Variants in TRAK1 observed in about 807,000 individuals in gnomAD.
The protein encoded by TRAK1 is trafficking kinesin-binding protein 1.
In TRAK1, 33 loss-of-function variants were observed where a neutral mutation model predicts 92.1. The observed-to-expected ratio is 0.36, with a 90% CI of 0.27 to 0.48. The LOEUF is 0.48. Among genes scored for constraint, TRAK1 ranks in the 20% least tolerant of loss-of-function variants. TRAK1 has a pLI of 0.99. For synonymous variants in TRAK1, 521 were observed against 517.3 expected, an observed-to-expected ratio of 1.01 and a Z score of -0.10; for missense variants, 1,123 against 1,257.9, an observed-to-expected ratio of 0.89 and a Z score of 1.62.
chr3:42,180,375 G>A lies in TRAK1; in HGVS notation c.363+3485G>A, dbSNP rs1215917457. Among the ~76,000 whole-genome samples, 4 of 152,148 alleles carry A rather than the reference G, an allele frequency of 2.6e-5. No homozygotes were observed. The East Asian group carries it at 7.7e-4, about 29-fold the overall frequency. ...AGGCTGAGCAACGTGGCTCACACCTGTAATCCAGACACTTTGGGAGGCTGA... is the reference window on the plus strand; with the variant it reads ...AGGCTGAGCAACGTGGCTCACACCTATAATCCAGACACTTTGGGAGGCTGA... On this transcript the variant is annotated intron_variant, in intron 3 of 15. Transcript: ENST00000327628.
At chr3:42,087,284 C>T (rs1411700881), upstream of TRAK1, 2 of 152,788 alleles carry the variant, frequency 1.3e-5, no homozygotes, top group African/African-American at 4.8e-5. Context: ...CCTTCGGAGG[C>T]ATGCAACCAT....
intron 1 of TRAK1, among the ~76,000 whole-genome samples, chr3:42,080,254 A>G (rs1043966615): frequency 1.3e-5 from 2 of 152,214 alleles, no homozygotes; most frequent in Non-Finnish European, 2.9e-5. Flanking sequence ...CCGTGCGTTA[A>G]GTACTCTTGA....
At chr3:42,060,741 C>T (rs2148925119) in intron 1 of TRAK1, among the ~76,000 whole-genome samples, 1 of 151,572 alleles carries the variant, frequency 6.6e-6, no homozygotes, top group African/African-American at 2.4e-5. Context: ...CATTCTCCTG[C>T]CTCAGCCTCC....
intron 1 of TRAK1, among the ~76,000 whole-genome samples, chr3:42,041,872 G>A (rs1292655415): frequency 3.3e-5 from 5 of 150,350 alleles, no homozygotes; most frequent in African/African-American, 9.8e-5. Flanking sequence ...TTGGCTCACC[G>A]CAGCCTCCGC....
intron 1 of TRAK1, among the ~76,000 whole-genome samples, chr3:42,056,592 AAG>A (rs1703215160): frequency 6.6e-6 from 1 of 152,212 alleles, no homozygotes; most frequent in Admixed American, 6.5e-5. Context: ...CTGATTATTA[AAG>A]AGATTATTTT....
intron 2 of TRAK1, among the ~76,000 whole-genome samples, chr3:42,148,023 AACAC>A (rs146659030): frequency 9.8e-4 from 147 of 150,148 alleles, no homozygotes; most frequent in African/African-American, 3.0e-3. Flanking sequence ...CATACATAGA[AACAC>A]ACACACACAC....
chr3:42,058,544 A>ATG (rs1370660107), intron 1 of TRAK1, among the ~76,000 whole-genome samples: 1 of 152,096 alleles, frequency 6.6e-6, no homozygotes, highest in Non-Finnish European at 1.5e-5. Flanking sequence ...AGGTTTCACC[A>ATG]TGTTGGCTGG....
chr3:42,194,406 CT>C (rs1215818890), intron 9 of TRAK1, among the ~76,000 whole-genome samples: 18 of 9,386 alleles, frequency 1.9e-3, no homozygotes, highest in Admixed American at 4.4e-3. Context: ...CTAATTTTTG[CT>C]TTTTTTTTTT....
chr3:42,149,590 T>C, intron 2 of TRAK1: 1 of 1,536,080 alleles, frequency 6.5e-7, no homozygotes, highest in Non-Finnish European at 8.7e-7. Flanking sequence ...TTATGAAGAA[T>C]GCTCGGATGG....
chr3:42,020,000 G>C (rs1233040625), intron 1 of TRAK1, among the ~76,000 whole-genome samples: 1 of 152,190 alleles, frequency 6.6e-6, no homozygotes, highest in East Asian at 1.9e-4. Context: ...GAAAATCAGG[G>C]AGAGAGTGAC....
intron 2 of TRAK1, among the ~76,000 whole-genome samples, chr3:42,144,935 A>T: frequency 6.6e-6 from 1 of 152,202 alleles, no homozygotes; most frequent in Middle Eastern, 3.2e-3. Context: ...CAATTATTCT[A>T]AATTTCATAG....
At chr3:42,069,331 A>AG (rs1034892197) in intron 1 of TRAK1, among the ~76,000 whole-genome samples, 1 of 98,876 alleles carries the variant, frequency 1.0e-5, no homozygotes, top group African/African-American at 3.2e-5. Flanking sequence ...AAAAAAAAAA[A>AG]GAAAAAAGAA....
At position 42,091,518 on chromosome 3, in the gene TRAK1, C is replaced by G. The variant is rs1705055133; in HGVS notation, c.49C>G (p.Pro17Ala). 1 of 1,613,480 alleles carries G rather than the reference C, an allele frequency of 6.2e-7. No individual in the cohort carries two copies. The highest frequency in any genetic ancestry group is 8.5e-7 in the Non-Finnish European group (1 of 1,179,848). Residue 17 changes from proline (P) to alanine (A), a missense_variant, in exon 1 of 16, where the codon CCA (proline) becomes GCA (alanine). Pro to Ala is a conservative substitution (Grantham distance 27). Transcript: ENST00000327628. ...FGQPVRAQPL[P>A]GLCHGKLIRT... ...GCAGCCCGTCAGGGCTCAGCCTCTG[C>G]CAGGACTCTGCCACGGCAAGCTCAT...
chr3:42,092,711 G>GTGTTGTGTTGTGTTATGTTATGTTA (rs1400587515), intron 1 of TRAK1, among the ~76,000 whole-genome samples: 31 of 101,102 alleles, frequency 3.1e-4, no homozygotes, highest in East Asian at 5.5e-4. Context: ...GTGTTGTGTT[G>GTGTTGTGTTGTGTTATGTTATGTTA]TGTTATGTTA....
chr3:42,200,029 TC>T (rs1157947293), intron 11 of TRAK1, among the ~76,000 whole-genome samples: 3 of 152,228 alleles, frequency 2.0e-5, no homozygotes, highest in Non-Finnish European at 4.4e-5. Flanking sequence ...CCATCTGTCT[TC>T]CTACCTCAAC....
intron 1 of TRAK1, among the ~76,000 whole-genome samples, chr3:42,119,535 T>C (rs1454479711): frequency 2.6e-5 from 4 of 152,190 alleles, no homozygotes; most frequent in African/African-American, 9.7e-5. Context: ...GGTAGTTGTT[T>C]ATTTCTTTTA....
intron 13 of TRAK1, among the ~76,000 whole-genome samples, chr3:42,208,604 A>G (rs1405647770): frequency 6.6e-6 from 1 of 152,256 alleles, no homozygotes; most frequent in Non-Finnish European, 1.5e-5. Flanking sequence ...CTACCCAGAA[A>G]GTATACCCTT....
intron 1 of TRAK1, among the ~76,000 whole-genome samples, chr3:42,040,566 T>C (rs1702495506): frequency 6.6e-6 from 1 of 152,230 alleles, no homozygotes; most frequent in African/African-American, 2.4e-5. Context: ...CCATATTGAG[T>C]TGCCTTATTG....
At chr3:42,086,829 T>G (rs145465901), upstream of TRAK1, among the ~76,000 whole-genome samples, 440 of 152,336 alleles carry the variant, frequency 2.9e-3, 3 homozygotes, top group African/African-American at 0.01. Context: ...TGCTCCAGTG[T>G]GTTTCTTTGC....
Sources: gnomAD v4.1 joint callset for allele counts (sites outside exome capture counted in the v4.1 genomes callset) on GRCh38, gnomAD v4.1.1 for gene constraint, MANE v1.5 for transcripts, NCBI Gene and HGNC (gene_info 2026-07-23, HGNC 2026-07-21) for gene names.